Variants in FNDC3B observed in about 807,000 individuals in gnomAD.
The protein encoded by FNDC3B is fibronectin type III domain-containing protein 3B.
A neutral mutation model predicts 151.5 loss-of-function variants in FNDC3B; 12 were observed. That is an observed-to-expected ratio of 0.08 (90% CI 0.05 to 0.13). The LOEUF (loss-of-function observed/expected upper bound fraction) is 0.13, where lower values mean the gene tolerates loss of function less well. Ranked by LOEUF, FNDC3B falls within the 10% of genes least tolerant of loss-of-function variation. The pLI, the probability that FNDC3B is intolerant of heterozygous loss-of-function variation, is 1.00. For synonymous variants in FNDC3B, 528 were observed against 549.0 expected (o/e 0.96, Z 0.54); for missense variants, 1,214 against 1,505.3 (o/e 0.81, Z 3.20).
At chr3:172,109,977 C>T (rs1719879110) in intron 1 of FNDC3B, among the ~76,000 whole-genome samples, 1 of 152,190 alleles carries the variant, frequency 6.6e-6, no homozygotes. Flanking sequence ...GGGCCTGGGT[C>T]TGGGGGATCC....
At chr3:172,160,019 G>A (rs146529497) in intron 3 of FNDC3B, among the ~76,000 whole-genome samples, 1 of 152,186 alleles carries the variant, frequency 6.6e-6, no homozygotes, top group South Asian at 2.1e-4. Context: ...CTGGGAAGGT[G>A]GGGGAGGCCG....
intron 3 of FNDC3B, among the ~76,000 whole-genome samples, chr3:172,158,324 C>T (rs1722596578): frequency 6.6e-6 from 1 of 152,214 alleles, no homozygotes; most frequent in African/African-American, 2.4e-5. Flanking sequence ...TACAAGTGAT[C>T]CCGATTCTCT....
rs370544087 is a variant in FNDC3B, at chr3:172,304,132, G to C, written c.1062-3231G>C. ...TGCCATCCTCCCAGCCTGGCCACCAGGAGTCTCCATCACTTACGACTCTCC... is the reference window on the plus strand; with the variant it reads ...TGCCATCCTCCCAGCCTGGCCACCACGAGTCTCCATCACTTACGACTCTCC... On this transcript the variant is annotated intron_variant, in intron 9 of 25. Transcript: ENST00000415807. Among the ~76,000 whole-genome samples the C allele has an allele frequency of 3.3e-5, 5 of 151,956 alleles. No individual in the cohort carries two copies. In the East Asian group the frequency reaches 9.7e-4, roughly 29 times the overall value.
chr3:172,252,048 T>TAA (rs1576840784), intron 6 of FNDC3B, among the ~76,000 whole-genome samples: 1 of 152,212 alleles, frequency 6.6e-6, no homozygotes, highest in East Asian at 1.9e-4. Flanking sequence ...AATTAAGTGT[T>TAA]CAGAAACTAA....
rs114742406 is a variant in FNDC3B, at chr3:172,230,008, A to T, written c.264+3061A>T. Among the ~76,000 whole-genome samples, 1,086 of 152,366 alleles carry T rather than the reference A, an allele frequency of 7.1e-3. 5 individuals are homozygous for T. Among genetic ancestry groups the T allele is most frequent in the Non-Finnish European group, 0.01 (706 of 68,046 alleles). On this transcript the variant is annotated intron_variant, in intron 4 of 25. Coordinates refer to ENST00000415807, the MANE Select transcript of FNDC3B (RefSeq NM_022763.4). ...CTACCTCACATCATATGCAAAAATT[A>T]ACTCAAAATGGACTATAAACATAAA...
chr3:172,226,625 C>A (rs1205846787), intron 3 of FNDC3B, among the ~76,000 whole-genome samples: 1 of 152,132 alleles, frequency 6.6e-6, no homozygotes, highest in Non-Finnish European at 1.5e-5. Flanking sequence ...TTTTGGGAAT[C>A]ATTAAATATT....
intron 11 of FNDC3B, among the ~76,000 whole-genome samples, chr3:172,326,122 C>T (rs1247470210): frequency 6.6e-6 from 1 of 152,182 alleles, no homozygotes; most frequent in Admixed American, 6.5e-5. Context: ...CATCACACCC[C>T]GCCCAGATAT....
chr3:172,353,897 G>A (rs1733970464), intron 22 of FNDC3B, among the ~76,000 whole-genome samples: 1 of 151,630 alleles, frequency 6.6e-6, no homozygotes. Flanking sequence ...AGATAGCTTT[G>A]AAGATACCAT....
chr3:172,251,664 T>G lies in FNDC3B; in HGVS notation c.790+123T>G, dbSNP rs1364387076. The stretch of plus-strand genomic sequence containing the variant: ...GGTTGGTTGTTCTGCTAAGAATATT[T>G]GAGTAGACCTTCTTTGATCTATTTC... On this transcript the variant is annotated intron_variant, in intron 6 of 25. Coordinates refer to ENST00000415807, the MANE Select transcript of FNDC3B (RefSeq NM_022763.4). 4 of 832,328 alleles carry G rather than the reference T, an allele frequency of 4.8e-6. No individual in the cohort carries two copies. In the African/African-American group the frequency reaches 6.8e-5, roughly 14 times the overall value. The allele number at this position is 832,328 out of a possible 1,614,324, so 51.6% of individuals were successfully genotyped here. A position where few individuals can be genotyped will look rare whatever the true frequency, so the allele number is the denominator to read the frequency against.
chr3:172,168,232 A>G (rs1444932481), intron 3 of FNDC3B, among the ~76,000 whole-genome samples: 1 of 152,244 alleles, frequency 6.6e-6, no homozygotes, highest in Non-Finnish European at 1.5e-5. Flanking sequence ...ACATATTGCC[A>G]TATCCCAGCA....
chr3:172,074,916 G>A (rs1717938060), intron 1 of FNDC3B, among the ~76,000 whole-genome samples: 1 of 152,222 alleles, frequency 6.6e-6, no homozygotes, highest in Non-Finnish European at 1.5e-5. Context: ...CCTTGCACGA[G>A]TGAAAGCCTG....
At chr3:172,291,446 T>G (rs1730333841) in intron 7 of FNDC3B, among the ~76,000 whole-genome samples, 1 of 152,066 alleles carries the variant, frequency 6.6e-6, no homozygotes, top group Non-Finnish European at 1.5e-5. Context: ...GGAATCTACA[T>G]TTAATAAATA....
chr3:172,261,682 A>G (rs1406748391), intron 6 of FNDC3B, among the ~76,000 whole-genome samples: 2 of 152,214 alleles, frequency 1.3e-5, no homozygotes, highest in East Asian at 1.9e-4. Flanking sequence ...CAGTGATTCT[A>G]TTAGGCTGGT....
rs1205085395 is a variant in FNDC3B, at chr3:172,236,527, T to C, written c.264+9580T>C. ...GTTGCTGTTGTCACTTCGATTCTTATATATTAAGTTAATCAATTGCTGTTT... is the reference window on the plus strand; with the variant it reads ...GTTGCTGTTGTCACTTCGATTCTTACATATTAAGTTAATCAATTGCTGTTT... On this transcript the variant is annotated intron_variant, in intron 4 of 25. Coordinates refer to ENST00000415807, the MANE Select transcript of FNDC3B (RefSeq NM_022763.4). 3.9e-5 allele frequency among the ~76,000 whole-genome samples: 6 copies of C among 152,228 alleles called. No individual in the cohort carries two copies. In the East Asian group the frequency reaches 1.2e-3, roughly 29 times the overall value.
At chr3:172,394,392 C>T (rs1021267779) in intron 25 of FNDC3B, among the ~76,000 whole-genome samples, 2 of 151,870 alleles carry the variant, frequency 1.3e-5, no homozygotes, top group Non-Finnish European at 2.9e-5. Flanking sequence ...TTTAGTTACA[C>T]CAAGAAGACA....
At chr3:172,135,686 C>T (rs1721323601) in intron 3 of FNDC3B, among the ~76,000 whole-genome samples, 1 of 152,116 alleles carries the variant, frequency 6.6e-6, no homozygotes, top group Admixed American at 6.6e-5. Context: ...GTTTCGGAAG[C>T]ACTGGGGCAA....
intron 1 of FNDC3B, among the ~76,000 whole-genome samples, chr3:172,109,666 T>C (rs1719862733): frequency 6.6e-6 from 1 of 152,220 alleles, no homozygotes; most frequent in Admixed American, 6.5e-5. Flanking sequence ...CCACTTGATC[T>C]TTCTCAGGAG....
rs143011580 is a variant in FNDC3B, at chr3:172,227,249, C to G, written c.264+302C>G. The stretch of plus-strand genomic sequence containing the variant: ...TCCTGCTTCAGACATTTCCTTCCAC[C>G]TGTAATACAACTTTCTGGAAGAAAA... On this transcript the variant is annotated intron_variant, in intron 4 of 25. Coordinates refer to ENST00000415807, the MANE Select transcript of FNDC3B (RefSeq NM_022763.4). The G allele has an allele frequency of 2.6e-3, 611 of 231,340 alleles. 5 individuals are homozygous for G. The highest frequency in any genetic ancestry group is 0.013 in the African/African-American group (561 of 44,542). The allele number at this position is 231,340 out of a possible 1,614,324, so 14.3% of individuals were successfully genotyped here.
intron 6 of FNDC3B, among the ~76,000 whole-genome samples, chr3:172,279,676 TTATGCAAGTTTA>T (rs1729604750): frequency 6.6e-6 from 1 of 152,228 alleles, no homozygotes; most frequent in South Asian, 2.1e-4. Context: ...TGTCCTTATA[TTATGCAAGTTTA>T]TTCTTCGTGT....
Sources: gnomAD v4.1 joint callset for allele counts (sites outside exome capture counted in the v4.1 genomes callset) on GRCh38, gnomAD v4.1.1 for gene constraint, MANE v1.5 for transcripts, NCBI Gene and HGNC (gene_info 2026-07-23, HGNC 2026-07-21) for gene names.